UNC13C: variants seen among roughly 807,000 people sequenced by gnomAD.
UNC13C encodes unc-13 homolog C, also known as protein unc-13 homolog C.
Under a neutral mutation model 245.4 loss-of-function variants are expected in UNC13C, and 174 were observed. The ratio of observed to expected loss-of-function variants is 0.71; its 90% CI spans 0.63 to 0.80. The LOEUF (loss-of-function observed/expected upper bound fraction) is 0.80. Among genes scored for constraint, UNC13C ranks in the 30% least tolerant of loss-of-function variants. The pLI, the probability that UNC13C is intolerant of heterozygous loss-of-function variation, is 0.00. For synonymous variants in UNC13C, 992 were observed against 895.1 expected (o/e 1.11, Z -1.93); for missense variants, 2,829 against 2,602.9 (o/e 1.09, Z -1.89).
At chr15:54,167,092 A>G (rs1192051218) in intron 4 of UNC13C, among the ~76,000 whole-genome samples, 1 of 152,228 alleles carries the variant, frequency 6.6e-6, no homozygotes, top group African/African-American at 2.4e-5. Context: ...TTATAAAGCT[A>G]CAATAATCAA....
chr15:54,464,101 G>A (rs1031215135), intron 19 of UNC13C, among the ~76,000 whole-genome samples: 5 of 152,138 alleles, frequency 3.3e-5, no homozygotes, highest in Admixed American at 2.6e-4. Flanking sequence ...TCCATTAACA[G>A]CAATTAAAAG....
chr15:54,344,195 G>A (rs998767410), intron 17 of UNC13C, among the ~76,000 whole-genome samples: 1 of 152,158 alleles, frequency 6.6e-6, no homozygotes, highest in African/African-American at 2.4e-5. Context: ...TTAATACTCA[G>A]TGGATTAATT....
the UNC13C span, among the ~76,000 whole-genome samples, chr15:53,879,457 C>T: frequency 2.0e-5 from 3 of 152,118 alleles, no homozygotes; most frequent in East Asian, 5.8e-4. Context: ...GCTACTATAC[C>T]CAGCCCTTTT....
chr15:54,571,433 C>T (rs1374676804), intron 30 of UNC13C, among the ~76,000 whole-genome samples: 1 of 152,186 alleles, frequency 6.6e-6, no homozygotes, highest in Non-Finnish European at 1.5e-5. Context: ...AGGTCCATCC[C>T]ATGACGTGTG....
intron 4 of UNC13C, among the ~76,000 whole-genome samples, chr15:54,168,201 A>G (rs1200086545): frequency 6.6e-6 from 1 of 152,220 alleles, no homozygotes; most frequent in African/African-American, 2.4e-5. Context: ...TTTAAAATAT[A>G]CTTGACTATA....
intron 2 of UNC13C, among the ~76,000 whole-genome samples, chr15:54,072,793 T>A (rs1898392669): frequency 6.6e-6 from 1 of 152,188 alleles, no homozygotes; most frequent in Non-Finnish European, 1.5e-5. Flanking sequence ...GTAGGTATAA[T>A]TATATAACTG....
At chr15:54,355,079 A>G (rs1403090986) in intron 17 of UNC13C, among the ~76,000 whole-genome samples, 1 of 151,890 alleles carries the variant, frequency 6.6e-6, no homozygotes, top group African/African-American at 2.4e-5. Context: ...CCCCCTCCAG[A>G]CTCTACAGAG....
chr15:53,970,646 A>C, the UNC13C span, among the ~76,000 whole-genome samples: 5 of 152,094 alleles, frequency 3.3e-5, no homozygotes, highest in African/African-American at 1.2e-4. Context: ...AGATGGACAC[A>C]TGGGGGGAAA....
chr15:54,098,828 C>T (rs1479736863), intron 2 of UNC13C, among the ~76,000 whole-genome samples: 2 of 152,078 alleles, frequency 1.3e-5, no homozygotes, highest in Non-Finnish European at 2.9e-5. Context: ...TCGAGATTTC[C>T]ATCTTCATCA....
At chr15:54,354,394 G>A (rs1167552925) in intron 17 of UNC13C, among the ~76,000 whole-genome samples, 1 of 152,152 alleles carries the variant, frequency 6.6e-6, no homozygotes, top group Non-Finnish European at 1.5e-5. Context: ...ATTCGGTGCT[G>A]CTTCTACTGA....
intron 4 of UNC13C, among the ~76,000 whole-genome samples, chr15:54,184,976 G>A (rs1041782203): frequency 6.6e-6 from 1 of 152,070 alleles, no homozygotes; most frequent in Admixed American, 6.5e-5. Flanking sequence ...GGTGTGAGAT[G>A]GTATCTCACT....
chr15:54,163,500 A>T (rs974518148), intron 4 of UNC13C, among the ~76,000 whole-genome samples: 4 of 152,236 alleles, frequency 2.6e-5, no homozygotes, highest in African/African-American at 7.2e-5. Context: ...ATGTGTCTAA[A>T]TCATTTTTAA....
chr15:54,447,187 G>T (rs997362390), intron 19 of UNC13C, among the ~76,000 whole-genome samples: 1 of 152,134 alleles, frequency 6.6e-6, no homozygotes, highest in African/African-American at 2.4e-5. Context: ...GCTGGATTCA[G>T]TTTGTCAGTA....
the UNC13C span, among the ~76,000 whole-genome samples, chr15:53,955,126 C>G: frequency 6.6e-6 from 1 of 152,164 alleles, no homozygotes; most frequent in Non-Finnish European, 1.5e-5. Flanking sequence ...TTCAGGTGAA[C>G]ATACATTTTG....
chr15:54,611,620 A>G (rs1346463486), intron 30 of UNC13C: 2 of 152,272 alleles, frequency 1.3e-5, no homozygotes, highest in African/African-American at 4.8e-5. Flanking sequence ...GTATATGCAT[A>G]TACTCCTTTG....
chr15:54,207,961 TAA>T (rs2140740173), intron 4 of UNC13C, among the ~76,000 whole-genome samples: 1 of 152,260 alleles, frequency 6.6e-6, no homozygotes, highest in East Asian at 1.9e-4. Flanking sequence ...ATTTTTAGTA[TAA>T]AAGAATACTT....
intron 2 of UNC13C, among the ~76,000 whole-genome samples, chr15:54,074,094 T>A (rs1442251532): frequency 6.6e-6 from 1 of 151,746 alleles, no homozygotes; most frequent in Non-Finnish European, 1.5e-5. Context: ...GTTTTCTGCA[T>A]ATGGCTAGCC....
rs1383431996 is a variant in UNC13C at position 54,173,806 on chromosome 15, A to G, written c.3071+30122A>G. On this transcript the variant is annotated intron_variant, in intron 4 of 32. Transcript: ENST00000260323. Reference sequence around the variant, plus strand: ...TTTGTTCTTAATTTTAAGCAGAAGCATTCAGGCTTTTAGCATTCGTGAACT... The same window carrying G: ...TTTGTTCTTAATTTTAAGCAGAAGCGTTCAGGCTTTTAGCATTCGTGAACT... 3.9e-5 allele frequency among the ~76,000 whole-genome samples: 6 copies of G among 152,284 alleles called. No individual in the cohort carries two copies. In the East Asian group the frequency reaches 9.6e-4, roughly 24 times the overall value.
intron 19 of UNC13C, among the ~76,000 whole-genome samples, chr15:54,453,947 C>G (rs1891326127): frequency 6.6e-6 from 1 of 152,160 alleles, no homozygotes; most frequent in Non-Finnish European, 1.5e-5. Flanking sequence ...CCCTCAGCAT[C>G]TGATAACCAT....
Sources: allele counts gnomAD v4.1 joint callset (sites outside exome capture counted in the v4.1 genomes callset), GRCh38; gene constraint gnomAD v4.1.1; transcripts MANE v1.5; gene names NCBI Gene and HGNC (gene_info 2026-07-23, HGNC 2026-07-21).